AP5Z1: variants seen among roughly 807,000 people sequenced by gnomAD.
AP5Z1 encodes the protein adaptor related protein complex 5 subunit zeta 1, also known as AP-5 complex subunit zeta-1.
AP5Z1 carries 106 observed loss-of-function variants against 83.0 expected under a neutral mutation model. The ratio of observed to expected loss-of-function variants is 1.28; its 90% CI spans 1.09 to 1.50. The LOEUF (loss-of-function observed/expected upper bound fraction) is 1.50, where lower values mean the gene tolerates loss of function less well. Among genes scored for constraint, AP5Z1 ranks in the 40% most tolerant of loss-of-function variants. AP5Z1 has a pLI of 0.00. For synonymous variants in AP5Z1, 751 were observed against 514.1 expected, an observed-to-expected ratio of 1.46 and a Z score of -6.23; for missense variants, 1,565 against 1,094.2, an observed-to-expected ratio of 1.43 and a Z score of -6.07.
At position 4,781,324 on chromosome 7, in the gene AP5Z1, G is replaced by T; in HGVS notation, c.179+12G>T. 1 of 1,612,374 alleles carries T rather than the reference G, an allele frequency of 6.2e-7. No individual in the cohort carries two copies. The highest frequency in any genetic ancestry group is 2.2e-5 in the East Asian group (1 of 44,884). The stretch of plus-strand genomic sequence containing the variant: ...AAGTACAGCCGGAGGTGAGTGTGGC[G>T]ACGGCTCAGGCCGGCTCCTCACACA... On this transcript the variant is annotated intron_variant, in intron 2 of 16. Coordinates refer to ENST00000649063, the MANE Select transcript of AP5Z1 (RefSeq NM_014855.3).
chr7:4,788,716 A>T (rs1313601516), intron 12 of AP5Z1, 124 bp from the exon 13 acceptor site: 2 of 835,690 alleles, frequency 2.4e-6, no homozygotes, highest in African/African-American at 1.7e-5. Context: ...GGAGGTCCCG[A>T]GAGGCGATGA....
chr7:4,789,691 G>A, intron 13 of AP5Z1, 141 bp from the exon 14 acceptor site: 3 of 612,856 alleles, frequency 4.9e-6, no homozygotes, highest in Non-Finnish European at 5.6e-6. Flanking sequence ...GAGTCTCTGT[G>A]TCCCTGGGTG....
In AP5Z1 at chr7:4,788,236, C is replaced by T. The variant is rs1781620718; in HGVS notation, c.1537C>T (p.Gln513Ter). The T allele has an allele frequency of 1.3e-6, 2 of 1,580,668 alleles. No homozygotes were observed. The highest frequency in any genetic ancestry group is 1.7e-6 in the Non-Finnish European group (2 of 1,164,640). ...PSCLEAFRDPQFQGLFQYLLR... is the reference protein window; with the variant it reads ...PSCLEAFRDP ...CTGCCTGGAGGCCTTCCGGGACCCG[C>T]AGTTCCAGGGTCTTTTCCAATACCT... Residue 513 changes from glutamine (Q) to a stop codon, truncating the protein, a stop_gained, in exon 12 of 17, where the codon CAG becomes TAG. Coordinates refer to ENST00000649063, the MANE Select transcript of AP5Z1 (RefSeq NM_014855.3). LOFTEE classifies it high-confidence loss of function.
intron 9 of AP5Z1, among the ~76,000 whole-genome samples, 197 bp downstream of exon 9, chr7:4,785,881 A>G (rs1279088697): frequency 2.7e-5 from 4 of 149,472 alleles, no homozygotes; most frequent in African/African-American, 7.5e-5. Context: ...TGCTGGGATT[A>G]CGGGCATGAG....
chr7:4,777,433 G>A (rs1781257942), intron 1 of AP5Z1, among the ~76,000 whole-genome samples: 1 of 151,812 alleles, frequency 6.6e-6, no homozygotes, highest in South Asian at 2.1e-4. Flanking sequence ...TGTCGCCCAG[G>A]CTGGAGTACA....
rs1781383975 is a variant in AP5Z1, at chr7:4,781,586, A to G, written c.198A>G (p.Val66=). The change falls in exon 3 of 17, where the codon GTA becomes GTG. Residue 66 remains valine, a synonymous_variant. Coordinates refer to ENST00000649063, the MANE Select transcript of AP5Z1 (RefSeq NM_014855.3). ...KYSRRLEKTC[V]DLLQATLGLP... ...CTTCCAGGCTGGAGAAGACATGCGT[A>G]GACCTGCTGCAGGCCACCCTCGGCC... 6.2e-7 allele frequency: 1 copy of G among 1,608,982 alleles called. No homozygotes were observed. The highest frequency in any genetic ancestry group is 8.5e-7 in the Non-Finnish European group (1 of 1,176,836).
chr7:4,786,409 G>A lies in AP5Z1; in HGVS notation c.1292G>A (p.Ser431Asn), dbSNP rs2115115695. Reference sequence around the variant, plus strand: ...GGGCACCTCAGCACCCTCAGATTGAGCTTCCCCAACCTCTTTAAGGTATAT... The same window carrying A: ...GGGCACCTCAGCACCCTCAGATTGAACTTCCCCAACCTCTTTAAGGTATAT... Reference protein sequence around the residue: ...FSGHLSTLRLSFPNLFKFLAW... With the variant: ...FSGHLSTLRLNFPNLFKFLAW... Residue 431 changes from serine (S) to asparagine (N), a missense_variant, in exon 10 of 17, where the codon AGC (serine) becomes AAC (asparagine). Coordinates refer to ENST00000649063, the MANE Select transcript of AP5Z1 (RefSeq NM_014855.3). 1 of 1,613,858 alleles carries A rather than the reference G, an allele frequency of 6.2e-7. No individual in the cohort carries two copies. The highest frequency in any genetic ancestry group is 8.5e-7 in the Non-Finnish European group (1 of 1,179,850).
rs563530944 is a variant in AP5Z1 at position 4,791,228 on chromosome 7, C to G, written c.2267C>G (p.Thr756Ser). Residue 756 changes from threonine (T) to serine (S), a missense_variant, in exon 17 of 17, where the codon ACC becomes AGC. Coordinates refer to ENST00000649063, the MANE Select transcript of AP5Z1 (RefSeq NM_014855.3). ...AIRTRATELLTLLKMPSVAQF... is the reference protein window; with the variant it reads ...AIRTRATELLSLLKMPSVAQF... Reference sequence around the variant, plus strand: ...CGTACCCGGGCCACAGAGCTGCTGACCCTGCTGAAGATGCCTAGCGTGGCC... The same window carrying G: ...CGTACCCGGGCCACAGAGCTGCTGAGCCTGCTGAAGATGCCTAGCGTGGCC... 4 of 1,612,802 alleles carry G rather than the reference C, an allele frequency of 2.5e-6. No homozygotes were observed. In the East Asian group the frequency reaches 8.9e-5, roughly 36 times the overall value.
intron 4 of AP5Z1, 64 bp downstream of exon 4, chr7:4,783,524 C>G (rs1781443452): frequency 6.3e-7 from 1 of 1,587,406 alleles, no homozygotes. Context: ...CCCTGAGGGC[C>G]CATGGTGGGT....
intron 13 of AP5Z1, among the ~76,000 whole-genome samples, chr7:4,789,558 G>T (rs1781679581): frequency 6.6e-6 from 1 of 152,238 alleles, no homozygotes. Context: ...GGCCAAACAA[G>T]ACGTGTGCCT....
chr7:4,788,079 T>G, intron 11 of AP5Z1, 75 bp from the exon 12 acceptor site: 1 of 1,448,400 alleles, frequency 6.9e-7, no homozygotes, highest in Non-Finnish European at 9.1e-7. Context: ...ACACCTGCCG[T>G]GTGTCTCCCT....
chr7:4,786,921 C>A (rs1046517286), intron 10 of AP5Z1, among the ~76,000 whole-genome samples: 2 of 152,138 alleles, frequency 1.3e-5, no homozygotes, highest in African/African-American at 4.8e-5. Context: ...CAGGCACCCA[C>A]CACCATGTCC....
In AP5Z1 at chr7:4,791,251, G is replaced by A; in HGVS notation, c.2290G>A (p.Ala764Thr). The A allele has an allele frequency of 6.2e-7, 1 of 1,612,788 alleles. No individual in the cohort carries two copies. The highest frequency in any genetic ancestry group is 8.5e-7 in the Non-Finnish European group (1 of 1,179,870). ...GACCCTGCTGAAGATGCCTAGCGTG[G>A]CCCAGTTTGTGCTCACACCCAGCAC... ...LLTLLKMPSV[A>T]QFVLTPSTEV... is the part of the protein sequence containing the mutation. Residue 764 changes from alanine (A) to threonine (T), a missense_variant, in exon 17 of 17, where the codon GCC becomes ACC. By Grantham distance (58) the Ala-to-Thr change is moderately conservative (BLOSUM62 0). Coordinates refer to ENST00000649063, the MANE Select transcript of AP5Z1 (RefSeq NM_014855.3).
In AP5Z1 at chr7:4,789,080, C is replaced by A. The variant is rs1781657547; in HGVS notation, c.1707+129C>A. ...CCCGCCACACCCACCATCCACGGTC[C>A]CTGTGAGGGTCAGGGAGGCACATGC... On this transcript the variant is annotated intron_variant, in intron 13 of 16. Coordinates refer to ENST00000649063, the MANE Select transcript of AP5Z1 (RefSeq NM_014855.3). 5.0e-6 allele frequency: 4 copies of A among 797,928 alleles called. No individual in the cohort carries two copies. The Admixed American group carries it at 7.3e-5, about 14-fold the overall frequency. The allele number at this position is 797,928 out of a possible 1,614,324, so 49.4% of individuals were successfully genotyped here.
chr7:4,782,532 C>T (rs894198219), intron 3 of AP5Z1, among the ~76,000 whole-genome samples: 1 of 152,192 alleles, frequency 6.6e-6, no homozygotes, highest in Non-Finnish European at 1.5e-5. Context: ...GCCTCCTGTG[C>T]TGGGGTGCAG....
intron 12 of AP5Z1, chr7:4,788,631 C>T (rs534720241): frequency 1.1e-4 from 59 of 528,658 alleles, no homozygotes; most frequent in East Asian, 6.6e-4. Context: ...CCTCAGCCCA[C>T]GCCAGCCTTT....
chr7:4,782,376 G>A (rs776703746), intron 3 of AP5Z1, among the ~76,000 whole-genome samples: 11 of 152,172 alleles, frequency 7.2e-5, no homozygotes, highest in African/African-American at 2.2e-4. Context: ...GGCACTCAGC[G>A]TGGGGATCCA....
rs1042770219 is a variant in AP5Z1, at chr7:4,793,240, G to A, written c.*1855G>A. 6.6e-6 allele frequency: 1 copy of A among 152,316 alleles called. No individual in the cohort carries two copies. The highest frequency in any genetic ancestry group is 2.4e-5 in the African/African-American group (1 of 41,484). The allele number at this position is 152,316 out of a possible 1,614,324, so 9.4% of individuals were successfully genotyped here. ...AGGAGGCAGCTGGGAAAAGGGCAAA[G>A]CTCACCAGCTCTCAACTTTTTTTTT... On this transcript the variant is annotated 3_prime_UTR_variant, in exon 17 of 17. Transcript: ENST00000649063.
At position 4,786,421 on chromosome 7, in the gene AP5Z1, T is replaced by C. The variant is rs1163777213; in HGVS notation, c.1304T>C (p.Leu435Pro). 1.2e-6 allele frequency: 2 copies of C among 1,613,558 alleles called. No homozygotes were observed. The highest frequency in any genetic ancestry group is 1.7e-6 in the Non-Finnish European group (2 of 1,179,770). Reference sequence around the variant, plus strand: ...ACCCTCAGATTGAGCTTCCCCAACCTCTTTAAGGTATATTTGGGCATCCCT... The same window carrying C: ...ACCCTCAGATTGAGCTTCCCCAACCCCTTTAAGGTATATTTGGGCATCCCT... ...LSTLRLSFPNLFKFLAWNSPP... is the reference protein window; with the variant it reads ...LSTLRLSFPNPFKFLAWNSPP... The change falls in exon 10 of 17, where the codon CTC becomes CCC. Residue 435 changes from leucine to proline, a missense_variant. Coordinates refer to ENST00000649063, the MANE Select transcript of AP5Z1 (RefSeq NM_014855.3).
Sources: allele counts gnomAD v4.1 joint callset (sites outside exome capture counted in the v4.1 genomes callset), GRCh38; gene constraint gnomAD v4.1.1; transcripts MANE v1.5; gene names NCBI Gene and HGNC (gene_info 2026-07-23, HGNC 2026-07-21).